The following UNC13C variants were observed in gnomAD, a reference collection of about 807,000 sequenced individuals.
UNC13C encodes protein unc-13 homolog C.
Under a neutral mutation model 245.4 loss-of-function variants are expected in UNC13C, and 174 were observed. That is an observed-to-expected ratio of 0.71 (90% confidence interval 0.63 to 0.80). The LOEUF (loss-of-function observed/expected upper bound fraction) is 0.80, where lower values mean the gene tolerates loss of function less well. UNC13C is among the 30% of genes least tolerant of loss of function. The pLI is 0.00. For missense variants in UNC13C, 2,829 were observed against 2,602.9 expected (o/e 1.09, Z -1.89); for synonymous variants, 992 against 895.1 (o/e 1.11, Z -1.93).
intron 2 of UNC13C, among the ~76,000 whole-genome samples, chr15:54,103,157 A>G (rs563601758): frequency 2.0e-5 from 3 of 152,336 alleles, no homozygotes; most frequent in East Asian, 1.9e-4. Flanking sequence ...TTGTGGTCCA[A>G]TCATTATAAC....
intron 2 of UNC13C, among the ~76,000 whole-genome samples, chr15:54,046,007 T>C (rs1481960324): frequency 3.3e-5 from 5 of 152,202 alleles, no homozygotes. Flanking sequence ...TTCTCATCCA[T>C]TTCTATCATT....
chr15:54,120,261 C>G (rs1376456471), intron 2 of UNC13C, among the ~76,000 whole-genome samples: 2 of 152,120 alleles, frequency 1.3e-5, no homozygotes, highest in East Asian at 3.9e-4. Context: ...TGACTCTAAG[C>G]TGAAGCCAGT....
At chr15:54,182,288 C>A (rs572661732) in intron 4 of UNC13C, among the ~76,000 whole-genome samples, 1 of 151,838 alleles carries the variant, frequency 6.6e-6, no homozygotes, top group Non-Finnish European at 1.5e-5. Flanking sequence ...TCTATTGAGA[C>A]GATCATATGA....
Position 53,978,516 on chromosome 15 carries a change from AT to A in UNC13C, c.-667del, listed in dbSNP as rs1336228429. Among the ~76,000 whole-genome samples, 1 of 151,788 alleles carries A rather than the reference AT, an allele frequency of 6.6e-6. No individual in the cohort carries two copies. The highest frequency in any genetic ancestry group is 2.4e-5 in the African/African-American group (1 of 41,336). On this transcript the variant is annotated 5_prime_UTR_variant, in exon 1 of 33. An upstream start codon of the reference 5' UTR is lost. Coordinates refer to ENST00000260323, the MANE Select transcript of UNC13C (RefSeq NM_001080534.3). ...CAGCCCGGCTGCTCCTCACCCTCAA[AT>A]GTTGATGAGCCTGGGCGCTCCTCAA...
chr15:53,880,696 C>CTTTTTTTTTTT, the UNC13C span, among the ~76,000 whole-genome samples: 1 of 141,400 alleles, frequency 7.1e-6, no homozygotes, highest in Non-Finnish European at 1.5e-5. Flanking sequence ...GCTTTGTCAT[C>CTTTTTTTTTTT]TTTTTTTTTT....
intron 8 of UNC13C, among the ~76,000 whole-genome samples, chr15:54,252,317 T>C (rs934186338): frequency 4.6e-5 from 7 of 152,190 alleles, no homozygotes; most frequent in Admixed American, 1.3e-4. Flanking sequence ...TCTATTTCCA[T>C]TTCTTAAAAC....
rs559038652 is a variant in UNC13C, at chr15:54,003,339, A to G, written c.-256-9309A>G. On this transcript the variant is annotated intron_variant, in intron 1 of 32. Transcript: ENST00000260323. ...GGTACCTGTATTCTGCTCTCTGTGC[A>G]TGTGATTAGGAAAATGTTGCAAAGA... Among the ~76,000 whole-genome samples the G allele has an allele frequency of 5.3e-5, 8 of 152,322 alleles. No individual in the cohort carries two copies. In the South Asian group the frequency reaches 1.4e-3, roughly 28 times the overall value.
intron 2 of UNC13C, among the ~76,000 whole-genome samples, chr15:54,135,733 T>C (rs371273381): frequency 1.4e-4 from 22 of 152,318 alleles, no homozygotes; most frequent in East Asian, 1.4e-3. Flanking sequence ...TCGGGACAAA[T>C]CATGCCCCAG....
chr15:53,847,559 T>G, the UNC13C span, among the ~76,000 whole-genome samples: 3 of 149,920 alleles, frequency 2.0e-5, no homozygotes, highest in African/African-American at 7.4e-5. Context: ...AGAGATGAGG[T>G]TTCACCATGT....
intron 1 of UNC13C, among the ~76,000 whole-genome samples, chr15:53,992,851 C>T (rs192218529): frequency 1.3e-5 from 2 of 152,100 alleles, no homozygotes; most frequent in Admixed American, 6.6e-5. Context: ...ATCAAGAGGC[C>T]CTAGCAACAG....
At chr15:54,191,178 C>A (rs2034168833) in intron 4 of UNC13C, among the ~76,000 whole-genome samples, 1 of 152,106 alleles carries the variant, frequency 6.6e-6, no homozygotes, top group African/African-American at 2.4e-5. Flanking sequence ...TGAGGTATTT[C>A]TCCTAATGCT....
intron 20 of UNC13C, among the ~76,000 whole-genome samples, chr15:54,496,075 A>C (rs1893937490): frequency 6.6e-6 from 1 of 152,084 alleles, no homozygotes; most frequent in Admixed American, 6.6e-5. Flanking sequence ...ACATGTTCTC[A>C]CCATAAAAAT....
intron 2 of UNC13C, among the ~76,000 whole-genome samples, chr15:54,056,437 C>T (rs1015439223): frequency 1.3e-5 from 2 of 152,090 alleles, no homozygotes; most frequent in African/African-American, 4.8e-5. Context: ...ATGCACAAAG[C>T]CTCCAAGAAA....
At chr15:53,957,876 G>T in the UNC13C span, among the ~76,000 whole-genome samples, 1 of 152,200 alleles carries the variant, frequency 6.6e-6, no homozygotes, top group Non-Finnish European at 1.5e-5. Flanking sequence ...GGAGCTCATA[G>T]TCTAGAGGTT....
intron 4 of UNC13C, among the ~76,000 whole-genome samples, chr15:54,187,946 A>G (rs1463487728): frequency 6.6e-6 from 1 of 151,910 alleles, no homozygotes; most frequent in Admixed American, 6.6e-5. Context: ...AGTAGCTGGG[A>G]TTGCAGGCGC....
intron 1 of UNC13C, among the ~76,000 whole-genome samples, chr15:53,979,611 A>G (rs1311251631): frequency 6.6e-6 from 1 of 152,196 alleles, no homozygotes; most frequent in Non-Finnish European, 1.5e-5. Flanking sequence ...TACTTGTATC[A>G]TCAAGAGTAA....
chr15:54,304,014 C>G (rs756764443), intron 13 of UNC13C, among the ~76,000 whole-genome samples: 16 of 152,042 alleles, frequency 1.1e-4, no homozygotes, highest in Non-Finnish European at 2.1e-4. Flanking sequence ...GGCAAAACTC[C>G]TGTTCACACT....
intron 4 of UNC13C, among the ~76,000 whole-genome samples, chr15:54,175,195 C>T (rs2033564792): frequency 6.6e-6 from 1 of 152,182 alleles, no homozygotes; most frequent in African/African-American, 2.4e-5. Context: ...AGCCCTAAAT[C>T]TTATCTCTCC....
chr15:54,320,523 C>T (rs1018765965), intron 13 of UNC13C, among the ~76,000 whole-genome samples: 2 of 151,906 alleles, frequency 1.3e-5, no homozygotes, highest in South Asian at 2.1e-4. Flanking sequence ...ACTAAAATAA[C>T]GTGTTATACA....
Sources: gnomAD v4.1 joint callset for allele counts (sites outside exome capture counted in the v4.1 genomes callset) on GRCh38, gnomAD v4.1.1 for gene constraint, MANE v1.5 for transcripts, NCBI Gene and HGNC (gene_info 2026-07-23, HGNC 2026-07-21) for gene names.